HDAC2: variants seen among roughly 807,000 people sequenced by gnomAD.
The protein encoded by HDAC2 is histone deacetylase 2.
HDAC2 carries 5 observed loss-of-function variants against 68.5 expected under a neutral mutation model. The observed-to-expected ratio is 0.07, with a 90% CI of 0.04 to 0.15. The LOEUF is 0.15. HDAC2 is among the 10% of genes least tolerant of loss of function. The pLI is 1.00. For synonymous variants in HDAC2, 182 were observed against 191.3 expected, an observed-to-expected ratio of 0.95 and a Z score of 0.40; for missense variants, 291 against 600.8, an observed-to-expected ratio of 0.48 and a Z score of 5.39.
In HDAC2 at chr6:113,956,162, G is replaced by GA. The variant is rs1010473525; in HGVS notation, c.359-12dup. On this transcript the variant is annotated splice_polypyrimidine_tract_variant and intron_variant, in intron 4 of 13. Transcript: ENST00000519065. ...ACTTCACAGCTCCAGCTAAGAAGTA[G>GA]AAACAAGATAGACCTTTTAAACATT... 6.3e-7 allele frequency: 1 copy of GA among 1,591,920 alleles called. No individual in the cohort carries two copies. The highest frequency in any genetic ancestry group is 8.5e-7 in the Non-Finnish European group (1 of 1,172,450).
rs777941078 is a variant in HDAC2 at position 113,940,696 on chromosome 6, T to A, written c.*362A>T. The A allele has an allele frequency of 9.8e-5, 19 of 194,058 alleles. No homozygotes were observed. Among genetic ancestry groups the A allele is most frequent in the Non-Finnish European group, 1.8e-4 (17 of 94,340 alleles). The allele number at this position is 194,058 out of a possible 1,614,324, so 12.0% of individuals were successfully genotyped here. On this transcript the variant is annotated 3_prime_UTR_variant, in exon 14 of 14. Coordinates refer to ENST00000519065, the MANE Select transcript of HDAC2 (RefSeq NM_001527.4). The stretch of plus-strand genomic sequence containing the variant: ...ACTGAAACAAGACTTCATATTGTAG[T>A]AATAAACAGACAAAAGATAATCCAA...
rs1338835370 is a variant in HDAC2 at position 113,938,780 on chromosome 6, T to A, written c.*2278A>T. 6.6e-6 allele frequency: 1 copy of A among 152,106 alleles called. No individual in the cohort carries two copies. Among genetic ancestry groups the A allele is most frequent in the Non-Finnish European group, 1.5e-5 (1 of 68,014 alleles). The allele number at this position is 152,106 out of a possible 1,614,324, so 9.4% of individuals were successfully genotyped here. On this transcript the variant is annotated 3_prime_UTR_variant, in exon 14 of 14. Coordinates refer to ENST00000519065, the MANE Select transcript of HDAC2 (RefSeq NM_001527.4). ...AAAATTTTGTTATTACAAATGGGGG[T>A]CTTTGTTCTTCCAACAGACTTGGTC...
At chr6:113,955,238 G>C (rs1435651047) in intron 5 of HDAC2, among the ~76,000 whole-genome samples, 1 of 151,414 alleles carries the variant, frequency 6.6e-6, no homozygotes, top group East Asian at 1.9e-4. Context: ...TTTTGAGATG[G>C]AGTCTCACTC....
intron 3 of HDAC2, 65 bp from the exon 4 acceptor site, chr6:113,956,758 A>C: frequency 8.6e-7 from 1 of 1,169,502 alleles, no homozygotes; most frequent in Non-Finnish European, 1.3e-6. Flanking sequence ...TTTTCTTACA[A>C]AAACTATTTC....
intron 1 of HDAC2, among the ~76,000 whole-genome samples, chr6:113,967,604 T>A (rs1043271419): frequency 3.3e-5 from 5 of 152,224 alleles, no homozygotes; most frequent in African/African-American, 1.2e-4. Context: ...CCTATTATAC[T>A]GTATACACCA....
intron 10 of HDAC2, 25 bp from the exon 11 acceptor site, chr6:113,944,435 T>C: frequency 3.1e-6 from 5 of 1,596,960 alleles, no homozygotes; most frequent in Non-Finnish European, 4.3e-6. Context: ...CAAAGTTTAT[T>C]AGACAAAATT....
chr6:113,969,512 T>C (rs1776921916), intron 1 of HDAC2, among the ~76,000 whole-genome samples: 1 of 152,254 alleles, frequency 6.6e-6, no homozygotes, highest in South Asian at 2.1e-4. Context: ...GCTTCCAAAA[T>C]TTGTATTGCT....
In HDAC2 at chr6:113,958,633, T is replaced by A. The variant is rs1013042623; in HGVS notation, c.283+16A>T. On this transcript the variant is annotated intron_variant, in intron 3 of 13. Transcript: ENST00000519065. ...ACATTTATCAAAGCAAAACTACTTTTTACTTAGAAACGTACATCTCTGCAT... is the reference window on the plus strand; with the variant it reads ...ACATTTATCAAAGCAAAACTACTTTATACTTAGAAACGTACATCTCTGCAT... The A allele has an allele frequency of 1.6e-6, 2 of 1,263,090 alleles. No homozygotes were observed. Among genetic ancestry groups the A allele is most frequent in the Non-Finnish European group, 2.3e-6 (2 of 879,734 alleles). 78.2% of individuals were successfully genotyped at this position (1,263,090 alleles called of 1,614,324 possible). A position where few individuals can be genotyped will look rare whatever the true frequency, so the allele number is the denominator to read the frequency against.
rs1211381290 is a variant in HDAC2 at position 113,937,213 on chromosome 6, T to C, written c.*3845A>G. 6.6e-6 allele frequency: 1 copy of C among 152,234 alleles called. No homozygotes were observed. The highest frequency in any genetic ancestry group is 6.5e-5 in the Admixed American group (1 of 15,286). The allele number at this position is 152,234 out of a possible 1,614,324, so 9.4% of individuals were successfully genotyped here. Reference sequence around the variant, plus strand: ...TTTTCAAAAGCCCTTATCATTTATATCACAATATGAATAACAAATATTATG... The same window carrying C: ...TTTTCAAAAGCCCTTATCATTTATACCACAATATGAATAACAAATATTATG... On this transcript the variant is annotated 3_prime_UTR_variant, in exon 14 of 14. Transcript: ENST00000519065.
Position 113,943,359 on chromosome 6 carries a change from T to A in HDAC2, c.1370A>T (p.Lys457Ile). The A allele has an allele frequency of 6.3e-7, 1 of 1,595,890 alleles. No homozygotes were observed. The highest frequency in any genetic ancestry group is 8.5e-7 in the Non-Finnish European group (1 of 1,174,776). ...CAAGAAACAAATCTGACCTGTTTTT[T>A]TGTCCTCTGTTTCTTTCTTATCTTC... ...IEEDKKETED[K>I]KTDVKEEDKS... Residue 457 changes from lysine (K) to isoleucine (I), a missense_variant, in exon 12 of 14, where the codon AAA (lysine) becomes ATA (isoleucine). By Grantham distance (102) the Lys-to-Ile change is moderately radical. Transcript: ENST00000519065.
rs989399920 is a variant in HDAC2, at chr6:113,938,387, C to T, written c.*2671G>A. 1.3e-5 allele frequency: 2 copies of T among 151,770 alleles called. No individual in the cohort carries two copies. Among genetic ancestry groups the T allele is most frequent in the Non-Finnish European group, 2.9e-5 (2 of 67,880 alleles). The allele number at this position is 151,770 out of a possible 1,614,324, so 9.4% of individuals were successfully genotyped here. Reference sequence around the variant, plus strand: ...CTCTGTCTTTTGTCATTTTTCTTGACTTGTCTTCTAAGTTTTTGTTGGTCC... The same window carrying T: ...CTCTGTCTTTTGTCATTTTTCTTGATTTGTCTTCTAAGTTTTTGTTGGTCC... On this transcript the variant is annotated 3_prime_UTR_variant, in exon 14 of 14. Coordinates refer to ENST00000519065, the MANE Select transcript of HDAC2 (RefSeq NM_001527.4).
chr6:113,959,873 C>A, intron 2 of HDAC2, 33 bp downstream of exon 2: 2 of 850,710 alleles, frequency 2.4e-6, no homozygotes, highest in African/African-American at 1.7e-5. Context: ...TAAAAAAGAT[C>A]AGTGCTGAAT....
In HDAC2 at chr6:113,970,956, T is replaced by C. The variant is rs761884760; in HGVS notation, c.-48A>G. On this transcript the variant is annotated 5_prime_UTR_variant, in exon 1 of 14. Transcript: ENST00000519065. ...ACCGGGCTCCTCCTCCTGCTGCTGCTGCTGCTGCTGCTGCCGCCGCGGCTC... is the reference window on the plus strand; with the variant it reads ...ACCGGGCTCCTCCTCCTGCTGCTGCCGCTGCTGCTGCTGCCGCCGCGGCTC... The C allele has an allele frequency of 9.6e-6, 15 of 1,560,740 alleles. No homozygotes were observed. In the East Asian group the frequency reaches 3.3e-4, roughly 35 times the overall value.
In HDAC2 at chr6:113,943,512, C is replaced by T; in HGVS notation, c.1223-6G>A. On this transcript the variant is annotated splice_region_variant and splice_polypyrimidine_tract_variant and intron_variant, in intron 11 of 13. Transcript: ENST00000519065. The stretch of plus-strand genomic sequence containing the variant: ...CCGCTTGTCTGATGCTCGAACTGCA[C>T]AGAATATTTTAATAAATTTTGACAA... 2 of 1,584,366 alleles carry T rather than the reference C, an allele frequency of 1.3e-6. No individual in the cohort carries two copies. Among genetic ancestry groups the T allele is most frequent in the Middle Eastern group, 1.7e-4 (1 of 5,976 alleles).
chr6:113,945,348 C>A lies in HDAC2; in HGVS notation c.1091+14G>T. 8.6e-7 allele frequency: 1 copy of A among 1,159,334 alleles called. No homozygotes were observed. The highest frequency in any genetic ancestry group is 1.3e-5 in the South Asian group (1 of 78,216). The allele number at this position is 1,159,334 out of a possible 1,614,324, so 71.8% of individuals were successfully genotyped here. Reference sequence around the variant, plus strand: ...AGATAAAATGTTTATCAAAACAATTCAATGATTTCTTACTTTATCTTTTCC... The same window carrying A: ...AGATAAAATGTTTATCAAAACAATTAAATGATTTCTTACTTTATCTTTTCC... On this transcript the variant is annotated intron_variant, in intron 10 of 13. Transcript: ENST00000519065.
chr6:113,953,404 A>G lies in HDAC2; in HGVS notation c.512T>C (p.Val171Ala). ...ATGAATATCTATATCAATATATAAG[A>G]CTCTCTGATGATACCTGAAAACAAA... ...ILELLKYHQR[V>A]LYIDIDIHHG... Residue 171 changes from valine to alanine, a missense_variant, in exon 6 of 14, where the codon GTC becomes GCC. Around this residue, in one of 2 missense-constraint regions of HDAC2, gnomAD observed 154 missense variants for 472.1 expected, o/e 0.33. Transcript: ENST00000519065. The G allele has an allele frequency of 6.4e-7, 1 of 1,573,480 alleles. No individual in the cohort carries two copies. Among genetic ancestry groups the G allele is most frequent in the African/African-American group, 1.4e-5 (1 of 74,012 alleles).
intron 1 of HDAC2, chr6:113,970,493 A>C (rs1013862689): frequency 1.8e-6 from 2 of 1,127,278 alleles, no homozygotes; most frequent in Middle Eastern, 3.7e-4. Flanking sequence ...CGTTGCCACG[A>C]ATGGTGGGCG....
At chr6:113,947,075 CAT>C (rs1478903718) in intron 8 of HDAC2, 1 of 152,102 alleles carries the variant, frequency 6.6e-6, no homozygotes, top group African/African-American at 2.4e-5. Context: ...ATGTGATTTA[CAT>C]AATTCTAGCA....
chr6:113,946,591 T>G (rs1398311436), intron 8 of HDAC2: 1 of 152,560 alleles, frequency 6.6e-6, no homozygotes, highest in African/African-American at 2.4e-5. Context: ...ACAACATAGT[T>G]TAACCCTGAG....
Sources: allele counts gnomAD v4.1 joint callset (sites outside exome capture counted in the v4.1 genomes callset), GRCh38; gene constraint gnomAD v4.1.1; regional missense constraint gnomAD v4.1.1; transcripts MANE v1.5; gene names NCBI Gene and HGNC (gene_info 2026-07-23, HGNC 2026-07-21).